SLIT3: variants seen among roughly 807,000 people sequenced by gnomAD.
The protein encoded by SLIT3 is slit homolog 3 protein.
SLIT3 carries 68 observed loss-of-function variants against 184.0 expected under a neutral mutation model. The ratio of observed to expected loss-of-function variants is 0.37; its 90% CI spans 0.30 to 0.45. The LOEUF (loss-of-function observed/expected upper bound fraction) is 0.45, where lower values mean the gene tolerates loss of function less well. Among genes scored for constraint, SLIT3 ranks in the 20% least tolerant of loss-of-function variants. The pLI is 1.00. For synonymous variants in SLIT3, 831 were observed against 828.6 expected (o/e 1.00, Z -0.05); for missense variants, 1,707 against 2,026.0 (o/e 0.84, Z 3.02).
At chr5:168,879,425 A>T (rs1759868187) in intron 5 of SLIT3, among the ~76,000 whole-genome samples, 1 of 152,244 alleles carries the variant, frequency 6.6e-6, no homozygotes, top group Admixed American at 6.5e-5. Context: ...CAGGTTTTAT[A>T]GAAATTTAAT....
chr5:168,800,539 A>G (rs1756728794), intron 9 of SLIT3, among the ~76,000 whole-genome samples: 1 of 152,228 alleles, frequency 6.6e-6, no homozygotes, highest in East Asian at 1.9e-4. Flanking sequence ...GTGAGCCAAG[A>G]TCACACCATT....
intron 20 of SLIT3, among the ~76,000 whole-genome samples, chr5:168,740,698 C>T (rs963565259): frequency 3.9e-5 from 6 of 152,206 alleles, no homozygotes; most frequent in Non-Finnish European, 7.3e-5. Context: ...CTGCCTTCCT[C>T]GGTGCACTTT....
At chr5:169,241,692 C>A (rs1360085853) in intron 3 of SLIT3, among the ~76,000 whole-genome samples, 1 of 145,056 alleles carries the variant, frequency 6.9e-6, no homozygotes, top group Non-Finnish European at 1.5e-5. Flanking sequence ...GGACATGAAT[C>A]CTGACCTCAA....
intron 4 of SLIT3, among the ~76,000 whole-genome samples, chr5:168,894,400 G>T (rs968841592): frequency 1.3e-5 from 2 of 152,202 alleles, no homozygotes; most frequent in African/African-American, 2.4e-5. Context: ...TTATGCCATT[G>T]CTTGGTCCAT....
chr5:168,960,869 A>G (rs973805062), intron 4 of SLIT3, among the ~76,000 whole-genome samples: 1 of 152,222 alleles, frequency 6.6e-6, no homozygotes, highest in African/African-American at 2.4e-5. Context: ...CTTAAGGAAT[A>G]AAAGTGGGGG....
chr5:168,975,684 G>A (rs1442380166), intron 4 of SLIT3, among the ~76,000 whole-genome samples: 2 of 152,124 alleles, frequency 1.3e-5, no homozygotes, highest in African/African-American at 4.8e-5. Flanking sequence ...TTTTTCTGTA[G>A]GATTCTGTTT....
intron 4 of SLIT3, among the ~76,000 whole-genome samples, chr5:168,897,190 A>AGTCCC (rs562101650): frequency 1.4e-3 from 215 of 152,348 alleles, no homozygotes; most frequent in Admixed American, 2.2e-3. Flanking sequence ...ATAAGAAGAC[A>AGTCCC]GTCCCTGGGA....
intron 1 of SLIT3, among the ~76,000 whole-genome samples, chr5:169,272,694 G>A (rs572869357): frequency 6.6e-6 from 1 of 152,292 alleles, no homozygotes; most frequent in East Asian, 1.9e-4. Flanking sequence ...TCATCCCTCT[G>A]CCAGACTTGA....
chr5:168,745,504 C>A (rs1301281098), intron 20 of SLIT3, among the ~76,000 whole-genome samples: 2 of 152,060 alleles, frequency 1.3e-5, no homozygotes, highest in Non-Finnish European at 2.9e-5. Flanking sequence ...TTCTGCCTCC[C>A]AGGTTCAAGC....
chr5:168,864,814 A>AT (rs2113755153), intron 5 of SLIT3, among the ~76,000 whole-genome samples: 1 of 152,256 alleles, frequency 6.6e-6, no homozygotes, highest in South Asian at 2.1e-4. Flanking sequence ...TAGAGGACAG[A>AT]TTTTCCCTAC....
intron 1 of SLIT3, among the ~76,000 whole-genome samples, chr5:169,273,736 G>A (rs545979094): frequency 1.3e-5 from 2 of 152,180 alleles, no homozygotes; most frequent in Non-Finnish European, 2.9e-5. Flanking sequence ...TTAAGATAAG[G>A]TAAACCTTCA....
At chr5:169,068,352 G>A (rs1301469137) in intron 4 of SLIT3, among the ~76,000 whole-genome samples, 3 of 152,198 alleles carry the variant, frequency 2.0e-5, no homozygotes, top group Non-Finnish European at 2.9e-5. Flanking sequence ...AATAGACTTT[G>A]GGAAATAGAC....
At chr5:168,895,678 C>A (rs776097669) in intron 4 of SLIT3, among the ~76,000 whole-genome samples, 1 of 152,176 alleles carries the variant, frequency 6.6e-6, no homozygotes, top group Non-Finnish European at 1.5e-5. Flanking sequence ...TGACCCCATG[C>A]GCTATTTATT....
chr5:169,187,511 T>G (rs1763393278), intron 4 of SLIT3, among the ~76,000 whole-genome samples: 1 of 152,032 alleles, frequency 6.6e-6, no homozygotes, highest in Non-Finnish European at 1.5e-5. Flanking sequence ...TGCTCATCCT[T>G]ATAGGGCAAG....
At chr5:169,032,922 A>ATTTTTTTTTTTTTTTTTT in intron 4 of SLIT3, among the ~76,000 whole-genome samples, 1 of 88,130 alleles carries the variant, frequency 1.1e-5, no homozygotes, top group Non-Finnish European at 2.4e-5. Context: ...TTTTTCCTTG[A>ATTTTTTTTTTTTTTTTTT]TTTTTTTTTT....
At chr5:169,210,539 T>C (rs1041298688) in intron 3 of SLIT3, among the ~76,000 whole-genome samples, 1 of 152,182 alleles carries the variant, frequency 6.6e-6, no homozygotes, top group African/African-American at 2.4e-5. Context: ...CAGCAGCTGG[T>C]CACTGAAGTT....
chr5:168,813,445 G>A (rs1453399646), intron 8 of SLIT3, among the ~76,000 whole-genome samples: 1 of 152,146 alleles, frequency 6.6e-6, no homozygotes, highest in East Asian at 1.9e-4. Flanking sequence ...CAGCCGTAGG[G>A]CCTTAACCTT....
At chr5:169,050,719 C>G (rs1234703375) in intron 4 of SLIT3, among the ~76,000 whole-genome samples, 1 of 151,746 alleles carries the variant, frequency 6.6e-6, no homozygotes, top group Admixed American at 6.6e-5. Context: ...CCATATAACA[C>G]TTCACGTTGA....
intron 4 of SLIT3, among the ~76,000 whole-genome samples, chr5:168,899,176 A>C (rs1251400406): frequency 1.6e-5 from 2 of 127,520 alleles, no homozygotes; most frequent in Admixed American, 7.7e-5. Flanking sequence ...GTATTCCCTT[A>C]AGAACAGAAA....
Sources: gnomAD v4.1 joint callset for allele counts (sites outside exome capture counted in the v4.1 genomes callset) on GRCh38, gnomAD v4.1.1 for gene constraint, MANE v1.5 for transcripts, NCBI Gene and HGNC (gene_info 2026-07-23, HGNC 2026-07-21) for gene names.